The following SHISA9 variants were observed in gnomAD, a reference collection of about 807,000 sequenced individuals.
SHISA9 encodes shisa family member 9, also known as protein shisa-9.
Under a neutral mutation model 38.0 loss-of-function variants are expected in SHISA9, and 13 were observed. The observed-to-expected ratio is 0.34, with a 90% CI of 0.22 to 0.54. SHISA9 has a LOEUF of 0.54. Ranked by LOEUF, SHISA9 falls within the 20% of genes least tolerant of loss-of-function variation. The pLI is 0.91. For missense variants in SHISA9, 538 were observed against 575.8 expected (o/e 0.93, Z 0.67); for synonymous variants, 275 against 242.0 (o/e 1.14, Z -1.27).
At chr16:13,367,459 A>AT in the SHISA9 span, among the ~76,000 whole-genome samples, 5 of 151,434 alleles carry the variant, frequency 3.3e-5, no homozygotes, top group African/African-American at 1.2e-4. Flanking sequence ...CATTGTCCCT[A>AT]TTTTTCAGAA....
intron 2 of SHISA9, among the ~76,000 whole-genome samples, chr16:13,112,118 T>G (rs886868999): frequency 1.1e-4 from 17 of 152,178 alleles, no homozygotes; most frequent in Admixed American, 4.6e-4. Flanking sequence ...AAGGATTTTT[T>G]TTTGTTTGTT....
chr16:13,552,065 G>T, the SHISA9 span, among the ~76,000 whole-genome samples: 3 of 152,136 alleles, frequency 2.0e-5, no homozygotes, highest in African/African-American at 4.8e-5. Context: ...AGGTGGGGAC[G>T]CATTTTGCTT....
chr16:13,324,491 C>T, the SHISA9 span, among the ~76,000 whole-genome samples: 2 of 151,986 alleles, frequency 1.3e-5, no homozygotes, highest in Non-Finnish European at 2.9e-5. Context: ...GGTTCAAATC[C>T]TAGCTCTACT....
At chr16:13,086,429 A>T (rs2073711735) in intron 2 of SHISA9, among the ~76,000 whole-genome samples, 1 of 152,032 alleles carries the variant, frequency 6.6e-6, no homozygotes, top group African/African-American at 2.4e-5. Flanking sequence ...TTAAACAACA[A>T]ATCAGATATA....
Position 12,959,377 on chromosome 16 carries a change from G to T in SHISA9, c.691+42562G>T, listed in dbSNP as rs567976501. On this transcript the variant is annotated intron_variant, in intron 2 of 4. Transcript: ENST00000558583. ...CACTCACTGAGAAAACATTTGCTAG[G>T]TGCTTCCTCTGGGGTATCCACATCA... is the stretch of plus-strand genomic sequence containing the variant. 5.3e-5 allele frequency among the ~76,000 whole-genome samples: 8 copies of T among 152,268 alleles called. No individual in the cohort carries two copies. In the East Asian group the frequency reaches 1.5e-3, roughly 29 times the overall value.
the SHISA9 span, among the ~76,000 whole-genome samples, chr16:13,393,557 C>T: frequency 0.018 from 2,746 of 152,296 alleles, 35 homozygotes; most frequent in Non-Finnish European, 0.027. Context: ...GAATGGCAGA[C>T]GGGCACTGTG....
the SHISA9 span, among the ~76,000 whole-genome samples, chr16:13,468,052 G>A: frequency 6.6e-6 from 1 of 152,194 alleles, no homozygotes; most frequent in Non-Finnish European, 1.5e-5. Flanking sequence ...ATTAGACTGA[G>A]AGGGTTTTAT....
the SHISA9 span, among the ~76,000 whole-genome samples, chr16:13,314,887 C>CT: frequency 1.3e-3 from 192 of 152,292 alleles, no homozygotes; most frequent in African/African-American, 4.0e-3. Flanking sequence ...TGAATACTCT[C>CT]TACAGATCTG....
the SHISA9 span, among the ~76,000 whole-genome samples, chr16:13,299,041 G>A: frequency 2.0e-5 from 3 of 152,186 alleles, no homozygotes; most frequent in Admixed American, 6.5e-5. Flanking sequence ...GGCAAGGACT[G>A]CCTTGTAAGG....
the SHISA9 span, among the ~76,000 whole-genome samples, chr16:13,256,973 C>G: frequency 7.9e-5 from 12 of 152,164 alleles, no homozygotes; most frequent in African/African-American, 2.9e-4. Context: ...CTTATAGGCT[C>G]TCTGATGTTC....
chr16:13,303,420 C>T, the SHISA9 span, among the ~76,000 whole-genome samples: 12 of 152,172 alleles, frequency 7.9e-5, no homozygotes, highest in Admixed American at 5.9e-4. Flanking sequence ...GAATATAATA[C>T]CAGAATATGC....
At chr16:13,483,123 T>G in the SHISA9 span, among the ~76,000 whole-genome samples, 1 of 152,124 alleles carries the variant, frequency 6.6e-6, no homozygotes, top group Non-Finnish European at 1.5e-5. Context: ...GTGAATAAAG[T>G]GTCAGGGTCT....
At chr16:13,173,377 TAC>T (rs34832916) in intron 2 of SHISA9, among the ~76,000 whole-genome samples, 23,947 of 141,992 alleles carry the variant, frequency 0.17, 1,845 homozygotes, top group Middle Eastern at 0.29. Flanking sequence ...TGTGTGCATG[TAC>T]ACACACACAC....
the SHISA9 span, among the ~76,000 whole-genome samples, chr16:13,331,166 G>A: frequency 3.6e-3 from 555 of 152,234 alleles, 4 homozygotes; most frequent in African/African-American, 0.013. Context: ...CTAGACCCAC[G>A]AAGTGTCCCA....
chr16:13,305,182 C>T, the SHISA9 span, among the ~76,000 whole-genome samples: 193 of 152,306 alleles, frequency 1.3e-3, no homozygotes, highest in African/African-American at 4.0e-3. Flanking sequence ...GATAATTTCA[C>T]TTCCCCCTGG....
At chr16:13,556,799 C>CA in the SHISA9 span, among the ~76,000 whole-genome samples, 3 of 151,794 alleles carry the variant, frequency 2.0e-5, no homozygotes, top group African/African-American at 4.8e-5. Flanking sequence ...AATATAACAA[C>CA]AAAAAAATAC....
chr16:13,469,318 GAGAGAAAGAA>G, the SHISA9 span, among the ~76,000 whole-genome samples: 55 of 95,342 alleles, frequency 5.8e-4, no homozygotes, highest in African/African-American at 1.9e-3. Context: ...GAGAGAGAGA[GAGAGAAAGAA>G]AGAAAGAAAG....
the SHISA9 span, among the ~76,000 whole-genome samples, chr16:13,447,953 G>A: frequency 6.6e-6 from 1 of 152,150 alleles, no homozygotes; most frequent in Non-Finnish European, 1.5e-5. Context: ...TGAGGGTGAC[G>A]ATCATGTGCT....
intron 2 of SHISA9, among the ~76,000 whole-genome samples, chr16:13,181,399 G>A (rs894321944): frequency 6.7e-6 from 1 of 150,074 alleles, no homozygotes; most frequent in African/African-American, 2.5e-5. Context: ...TCTAAGCAAA[G>A]GGAAGAATGT....
Sources: gnomAD v4.1 joint callset for allele counts (sites outside exome capture counted in the v4.1 genomes callset) on GRCh38, gnomAD v4.1.1 for gene constraint, MANE v1.5 for transcripts, NCBI Gene and HGNC (gene_info 2026-07-23, HGNC 2026-07-21) for gene names.